The following FRMD6 variants were observed in gnomAD, a reference collection of about 807,000 sequenced individuals.
FRMD6 encodes FERM domain containing 6.
FRMD6 carries 37 observed loss-of-function variants against 73.2 expected under a neutral mutation model. The observed-to-expected ratio is 0.51, with a 90% CI of 0.39 to 0.66. FRMD6 has a LOEUF of 0.66. Ranked by LOEUF, FRMD6 falls within the 30% of genes least tolerant of loss-of-function variation. The pLI is 0.00. For synonymous variants in FRMD6, 273 were observed against 282.2 expected (o/e 0.97, Z 0.33); for missense variants, 714 against 780.5 (o/e 0.91, Z 1.02).
At chr14:51,437,122 C>A in the FRMD6 span, among the ~76,000 whole-genome samples, 1 of 152,210 alleles carries the variant, frequency 6.6e-6, no homozygotes, top group South Asian at 2.1e-4. Context: ...TCTCCTAATG[C>A]TATCCCTCCC....
At chr14:51,545,196 A>G (rs1343364683) in intron 1 of FRMD6, among the ~76,000 whole-genome samples, 1 of 152,136 alleles carries the variant, frequency 6.6e-6, no homozygotes, top group Admixed American at 6.5e-5. Context: ...AACCGAAGAC[A>G]TGATACAAGC....
In FRMD6 at chr14:51,585,939, G is replaced by GTATATA. The variant is rs3060587; in HGVS notation, c.-147+15546_-147+15551dup. 9.3e-3 allele frequency among the ~76,000 whole-genome samples: 292 copies of GTATATA among 31,412 alleles called. 21 individuals carry two copies. The highest frequency in any genetic ancestry group is 0.019 in the African/African-American group (275 of 14,638). 20.6% of individuals were successfully genotyped at this position (31,412 alleles called of 152,430 possible). ...TGCCATGGCATGTGTGTGTGTGTGTGTATATATATATATATATATATAACA... is the reference window on the plus strand; with the variant it reads ...TGCCATGGCATGTGTGTGTGTGTGTGTATATATATATATATATATATATATATAACA... On this transcript the variant is annotated intron_variant, in intron 2 of 14. Transcript: ENST00000356218.
At chr14:51,497,220 A>G (rs1883351272) in intron 1 of FRMD6, among the ~76,000 whole-genome samples, 1 of 149,332 alleles carries the variant, frequency 6.7e-6, no homozygotes, top group South Asian at 2.1e-4. Context: ...TCTTGATTCC[A>G]TCTTCTGAAA....
rs192267176 is a variant in FRMD6 at position 51,526,973 on chromosome 14, G to A, written c.-210+37553G>A. 1.0e-3 allele frequency among the ~76,000 whole-genome samples: 156 copies of A among 152,370 alleles called. 1 individual carries two copies. Among genetic ancestry groups the A allele is most frequent in the Non-Finnish European group, 1.8e-3 (123 of 68,042 alleles). ...CTGGCAAGAAGGACAAGGTAGATGA[G>A]TATGGGAATGATGTCCTAGAAGGAA... On this transcript the variant is annotated intron_variant, in intron 1 of 14. Transcript: ENST00000356218.
the FRMD6 span, among the ~76,000 whole-genome samples, chr14:51,458,381 T>C: frequency 6.6e-6 from 1 of 152,224 alleles, no homozygotes; most frequent in Non-Finnish European, 1.5e-5. Flanking sequence ...GTTCACAGCT[T>C]CCATGGAAGG....
chr14:51,634,946 T>C (rs1891492018), intron 2 of FRMD6, among the ~76,000 whole-genome samples: 1 of 152,206 alleles, frequency 6.6e-6, no homozygotes, highest in African/African-American at 2.4e-5. Context: ...GACCGGTGCT[T>C]GGTTGTTAAG....
intron 2 of FRMD6, among the ~76,000 whole-genome samples, chr14:51,615,337 G>A (rs889693672): frequency 7.2e-5 from 11 of 152,080 alleles, no homozygotes; most frequent in South Asian, 2.1e-4. Context: ...CATTATTGTC[G>A]GAGTTATGGC....
chr14:51,711,470 T>A (rs1896939801), intron 7 of FRMD6, 61 bp from the exon 8 acceptor site: 1 of 1,091,812 alleles, frequency 9.2e-7, no homozygotes, highest in Admixed American at 2.0e-5. Context: ...GGTGCTAAAT[T>A]GTCCACTGTA....
At chr14:51,419,803 G>T in the FRMD6 span, among the ~76,000 whole-genome samples, 60 of 152,322 alleles carry the variant, frequency 3.9e-4, no homozygotes, top group Middle Eastern at 3.4e-3. Flanking sequence ...GGCCATGTGA[G>T]TTCCTTCTCT....
At chr14:51,638,700 A>AG (rs1274345768) in intron 2 of FRMD6, among the ~76,000 whole-genome samples, 2 of 152,188 alleles carry the variant, frequency 1.3e-5, no homozygotes, top group African/African-American at 4.8e-5. Context: ...TGGAATGTAG[A>AG]GGGGTGTAGC....
chr14:51,555,414 G>A (rs1397676291), intron 1 of FRMD6, among the ~76,000 whole-genome samples: 2 of 152,150 alleles, frequency 1.3e-5, no homozygotes, highest in Non-Finnish European at 2.9e-5. Context: ...TCACAATTGG[G>A]CTATGTAGAA....
At chr14:51,593,895 C>T (rs1041102571) in intron 2 of FRMD6, among the ~76,000 whole-genome samples, 2 of 151,908 alleles carry the variant, frequency 1.3e-5, no homozygotes, top group African/African-American at 4.8e-5. Flanking sequence ...GAACCACACC[C>T]CCAACTCTAC....
the FRMD6 span, among the ~76,000 whole-genome samples, chr14:51,404,305 A>G: frequency 6.6e-6 from 1 of 151,940 alleles, no homozygotes; most frequent in Non-Finnish European, 1.5e-5. Flanking sequence ...TGTCAGTTGT[A>G]TTTGTTGCAA....
chr14:51,463,985 T>C, the FRMD6 span, among the ~76,000 whole-genome samples: 3 of 152,136 alleles, frequency 2.0e-5, no homozygotes, highest in African/African-American at 4.8e-5. Flanking sequence ...GTGTGGCTAG[T>C]TCGTTTTAGA....
At chr14:51,667,217 G>T (rs1432710735) in intron 1 of FRMD6, among the ~76,000 whole-genome samples, 1 of 151,984 alleles carries the variant, frequency 6.6e-6, no homozygotes, top group Non-Finnish European at 1.5e-5. Flanking sequence ...TATTTCAAAG[G>T]TATTTGTAAT....
At chr14:51,680,861 CT>C (rs1397804805) in intron 1 of FRMD6, among the ~76,000 whole-genome samples, 1 of 151,962 alleles carries the variant, frequency 6.6e-6, no homozygotes. Context: ...TTAGTGAGTA[CT>C]TTTGTTCAGA....
rs149777584 is a variant in FRMD6 at position 51,727,684 on chromosome 14, T to C, written c.1585-61T>C. 1.8e-5 allele frequency: 27 copies of C among 1,489,292 alleles called. 1 individual carries two copies. The Middle Eastern group carries it at 5.3e-4, about 29-fold the overall frequency. The allele number at this position is 1,489,292 out of a possible 1,614,324, so 92.3% of individuals were successfully genotyped here. A position where few individuals can be genotyped will look rare whatever the true frequency, so the allele number is the denominator to read the frequency against. On this transcript the variant is annotated intron_variant, in intron 13 of 13. Transcript: ENST00000344768. Reference sequence around the variant, plus strand: ...TTTGTGGTTCTGTAGCATCTCTCTTTACAAGGCAAATATTCTAACCTTTCA... The same window carrying C: ...TTTGTGGTTCTGTAGCATCTCTCTTCACAAGGCAAATATTCTAACCTTTCA...
chr14:51,464,300 T>C, the FRMD6 span, among the ~76,000 whole-genome samples: 2 of 151,752 alleles, frequency 1.3e-5, no homozygotes, highest in Non-Finnish European at 2.9e-5. Context: ...ATCTAGGTGA[T>C]GGGATGATCT....
At chr14:51,646,908 C>T (rs1892101641) in intron 2 of FRMD6, among the ~76,000 whole-genome samples, 1 of 151,932 alleles carries the variant, frequency 6.6e-6, no homozygotes, top group Admixed American at 6.6e-5. Flanking sequence ...ACGATGGGCC[C>T]TCTCTCTACA....
Sources: gnomAD v4.1 joint callset for allele counts (sites outside exome capture counted in the v4.1 genomes callset) on GRCh38, gnomAD v4.1.1 for gene constraint, MANE v1.5 for transcripts, NCBI Gene and HGNC (gene_info 2026-07-23, HGNC 2026-07-21) for gene names.